The following GRID2 variants were observed in gnomAD, a reference collection of about 807,000 sequenced individuals.
GRID2 encodes the protein glutamate receptor ionotropic, delta-2.
A neutral mutation model predicts 114.8 loss-of-function variants in GRID2; 33 were observed. That is an observed-to-expected ratio of 0.29 (90% CI 0.22 to 0.38). The LOEUF (loss-of-function observed/expected upper bound fraction) is 0.38, where lower values mean the gene tolerates loss of function less well. Among genes scored for constraint, GRID2 ranks in the 10% least tolerant of loss-of-function variants. The pLI, the probability that GRID2 is intolerant of heterozygous loss-of-function variation, is 1.00. For synonymous variants in GRID2, 505 were observed against 449.9 expected, an observed-to-expected ratio of 1.12 and a Z score of -1.55; for missense variants, 1,184 against 1,257.7, an observed-to-expected ratio of 0.94 and a Z score of 0.89.
At chr4:93,216,654 C>T (rs148313084) in intron 5 of GRID2, 84 bp from the exon 6 acceptor site, 10 of 860,588 alleles carry the variant, frequency 1.2e-5, no homozygotes, top group East Asian at 2.5e-5. Flanking sequence ...GAATCCCTAA[C>T]ATTTACAGAT....
chr4:93,205,197 A>G (rs924457689), intron 4 of GRID2, among the ~76,000 whole-genome samples: 2 of 151,858 alleles, frequency 1.3e-5, no homozygotes, highest in African/African-American at 4.8e-5. Context: ...AAGGATTACC[A>G]TTACTGGTAT....
intron 2 of GRID2, among the ~76,000 whole-genome samples, chr4:92,673,772 A>G (rs1401573864): frequency 6.6e-6 from 1 of 152,020 alleles, no homozygotes; most frequent in African/African-American, 2.4e-5. Flanking sequence ...GAATTGAACA[A>G]TGAGAACACT....
At chr4:92,962,598 T>G (rs188029785) in intron 2 of GRID2, among the ~76,000 whole-genome samples, 2 of 152,100 alleles carry the variant, frequency 1.3e-5, no homozygotes, top group Admixed American at 1.3e-4. Flanking sequence ...ACAGACATTG[T>G]GAAGAAGAAA....
At chr4:92,792,994 A>G (rs1436491431) in intron 2 of GRID2, among the ~76,000 whole-genome samples, 2 of 150,816 alleles carry the variant, frequency 1.3e-5, no homozygotes. Context: ...GTCCTCCTAC[A>G]TTACCTTCTT....
intron 2 of GRID2, among the ~76,000 whole-genome samples, chr4:92,824,919 CATG>C (rs1422001867): frequency 1.3e-5 from 2 of 151,858 alleles, no homozygotes; most frequent in African/African-American, 2.4e-5. Flanking sequence ...GCAATAATGA[CATG>C]ATAACCAGAT....
At chr4:92,814,080 C>A (rs1740773284) in intron 2 of GRID2, among the ~76,000 whole-genome samples, 1 of 152,080 alleles carries the variant, frequency 6.6e-6, no homozygotes, top group Admixed American at 6.6e-5. Context: ...GTCCATGAAG[C>A]ATTTTACTGA....
intron 13 of GRID2, among the ~76,000 whole-genome samples, chr4:93,565,442 A>G (rs182629658): frequency 6.6e-6 from 1 of 152,218 alleles, no homozygotes; most frequent in Non-Finnish European, 1.5e-5. Flanking sequence ...GTTTCAATAA[A>G]AAAAGGAAAA....
At chr4:93,008,492 T>C (rs527859654) in intron 2 of GRID2, among the ~76,000 whole-genome samples, 2 of 152,238 alleles carry the variant, frequency 1.3e-5, no homozygotes, top group South Asian at 4.1e-4. Context: ...TTCCTTTTCT[T>C]TTTCTTTTCA....
At chr4:93,071,610 C>T (rs559169809) in intron 2 of GRID2, among the ~76,000 whole-genome samples, 86 of 152,146 alleles carry the variant, frequency 5.7e-4, no homozygotes, top group African/African-American at 2.0e-3. Context: ...GAAGGAATAT[C>T]TAGGTGAGGA....
chr4:92,893,806 G>A (rs1469462697), intron 2 of GRID2, among the ~76,000 whole-genome samples: 2 of 152,086 alleles, frequency 1.3e-5, no homozygotes, highest in Non-Finnish European at 2.9e-5. Flanking sequence ...AGATTTATGA[G>A]GATAAGTTGA....
intron 13 of GRID2, among the ~76,000 whole-genome samples, chr4:93,547,511 A>C (rs1733336056): frequency 1.3e-5 from 2 of 152,224 alleles, no homozygotes; most frequent in African/African-American, 4.8e-5. Context: ...GCTCTTAGTG[A>C]GATGTGACTT....
intron 2 of GRID2, among the ~76,000 whole-genome samples, chr4:92,601,081 G>T (rs548459729): frequency 2.6e-5 from 4 of 152,176 alleles, no homozygotes; most frequent in Non-Finnish European, 5.9e-5. Flanking sequence ...CCTGCCTGAA[G>T]TTGCTGAAAT....
intron 5 of GRID2, among the ~76,000 whole-genome samples, chr4:93,213,729 C>T (rs1743848006): frequency 6.6e-6 from 1 of 152,150 alleles, no homozygotes; most frequent in Non-Finnish European, 1.5e-5. Context: ...TGATTCAATT[C>T]TCCTAAGAGA....
At chr4:92,800,428 G>A (rs1402774694) in intron 2 of GRID2, among the ~76,000 whole-genome samples, 1 of 151,858 alleles carries the variant, frequency 6.6e-6, no homozygotes, top group Non-Finnish European at 1.5e-5. Context: ...AAGGAATCAA[G>A]GTTGTAGATT....
At chr4:93,563,764 C>T (rs1034497945) in intron 13 of GRID2, among the ~76,000 whole-genome samples, 10 of 152,010 alleles carry the variant, frequency 6.6e-5, no homozygotes, top group Admixed American at 3.3e-4. Flanking sequence ...TTAGCTTAAA[C>T]ATTTGAAGAA....
At chr4:92,419,062 T>C (rs1731761731) in intron 1 of GRID2, among the ~76,000 whole-genome samples, 1 of 152,144 alleles carries the variant, frequency 6.6e-6, no homozygotes, top group African/African-American at 2.4e-5. Context: ...AATTTGCCTC[T>C]GCTATAGTGG....
At chr4:93,700,902 C>G (rs903307230) in intron 14 of GRID2, among the ~76,000 whole-genome samples, 1 of 151,974 alleles carries the variant, frequency 6.6e-6, no homozygotes, top group African/African-American at 2.4e-5. Context: ...TCAATTCTTT[C>G]TTTTCCTTTT....
chr4:92,962,246 T>A (rs1385355256), intron 2 of GRID2, among the ~76,000 whole-genome samples: 1 of 151,846 alleles, frequency 6.6e-6, no homozygotes, highest in Non-Finnish European at 1.5e-5. Context: ...TTAATATATA[T>A]CTGAACATGA....
chr4:92,822,581 G>T (rs556670335), intron 2 of GRID2: 16 of 246,948 alleles, frequency 6.5e-5, no homozygotes, highest in Middle Eastern at 1.4e-3. Flanking sequence ...TCTACAGGTT[G>T]TCAATGGAGA....
Sources: gnomAD v4.1 joint callset for allele counts (sites outside exome capture counted in the v4.1 genomes callset) on GRCh38, gnomAD v4.1.1 for gene constraint, MANE v1.5 for transcripts, NCBI Gene and HGNC (gene_info 2026-07-23, HGNC 2026-07-21) for gene names.